FBXW10B: variants seen among roughly 807,000 people sequenced by gnomAD.
FBXW10B encodes the protein F-box and WD repeat domain containing 10B.
chr17:15,608,184 C>T, the FBXW10B span, among the ~76,000 whole-genome samples: 54 of 136,204 alleles, frequency 4.0e-4, 1 homozygote, highest in African/African-American at 1.4e-3. Context: ...TTTTTTCAGA[C>T]GGAGTCTCGC....
the FBXW10B span, among the ~76,000 whole-genome samples, chr17:15,590,136 T>C: frequency 0.16 from 22,001 of 135,402 alleles, 2,375 homozygotes; most frequent in African/African-American, 0.27. Flanking sequence ...CGCGGCTGAA[T>C]TCAGCCTCTT....
chr17:15,614,121 A>G, the FBXW10B span: 5 of 1,460,884 alleles, frequency 3.4e-6, no homozygotes, highest in East Asian at 7.1e-5. Context: ...AAGCTCTCCC[A>G]CAAAATAAAC....
chr17:15,577,771 T>C, the FBXW10B span, among the ~76,000 whole-genome samples: 1 of 152,296 alleles, frequency 6.6e-6, no homozygotes, highest in African/African-American at 2.4e-5. Context: ...GTTCTCTCTT[T>C]TGCATGGTTT....
the FBXW10B span, chr17:15,588,334 A>G: frequency 1.4e-3 from 252 of 174,122 alleles, no homozygotes; most frequent in African/African-American, 5.8e-3. Flanking sequence ...ATCACTAATT[A>G]AGTGACGTCT....
At chr17:15,588,017 C>G in the FBXW10B span, among the ~76,000 whole-genome samples, 1 of 152,172 alleles carries the variant, frequency 6.6e-6, no homozygotes, top group Admixed American at 6.5e-5. Flanking sequence ...TCCAATTTAT[C>G]TAGACTCTCA....
the FBXW10B span, among the ~76,000 whole-genome samples, chr17:15,569,455 C>CTTTTTTTTTTTTTTTTTTTTTTTT: frequency 1.0e-4 from 6 of 59,194 alleles, no homozygotes; most frequent in Non-Finnish European, 1.7e-4. Context: ...TTTTCTTTTT[C>CTTTTTTTTTTTTTTTTTTTTTTTT]TTTTTTTTTT....
chr17:15,607,660 T>G, the FBXW10B span: 1 of 1,613,690 alleles, frequency 6.2e-7, no homozygotes, highest in Non-Finnish European at 8.5e-7. Context: ...CGTTCTGGTA[T>G]GCAGTCCACA....
At chr17:15,594,506 C>A in the FBXW10B span, 2 of 527,146 alleles carry the variant, frequency 3.8e-6, no homozygotes, top group Non-Finnish European at 6.5e-6. Context: ...CTTCTCAAAA[C>A]CCCCAGTTTC....
chr17:15,614,158 T>A, the FBXW10B span: 2 of 1,225,128 alleles, frequency 1.6e-6, no homozygotes, highest in Middle Eastern at 2.7e-4. Flanking sequence ...CTTAGGCCAC[T>A]AGATTTTTGT....
the FBXW10B span, among the ~76,000 whole-genome samples, chr17:15,580,495 A>T: frequency 8.0e-6 from 1 of 124,658 alleles, no homozygotes; most frequent in Non-Finnish European, 1.8e-5. Context: ...GTAATTTGGT[A>T]TAATAAAATT....
At chr17:15,611,698 C>G in the FBXW10B span, among the ~76,000 whole-genome samples, 2 of 152,196 alleles carry the variant, frequency 1.3e-5, no homozygotes, top group African/African-American at 4.8e-5. Context: ...AAGCGACAGT[C>G]AAACCATCCC....
the FBXW10B span, among the ~76,000 whole-genome samples, chr17:15,593,142 T>G: frequency 2.0e-5 from 3 of 150,546 alleles, no homozygotes; most frequent in Admixed American, 2.0e-4. Flanking sequence ...GATTGCTTCC[T>G]GATTACTAAG....
the FBXW10B span, chr17:15,612,653 A>G: frequency 1.2e-6 from 2 of 1,612,938 alleles, no homozygotes; most frequent in South Asian, 1.1e-5. Context: ...AATGGCAATT[A>G]GAATGAGACG....
chr17:15,569,058 A>G, the FBXW10B span: 61 of 1,038,646 alleles, frequency 5.9e-5, no homozygotes, highest in Non-Finnish European at 6.5e-5. Flanking sequence ...TTTAAGACAA[A>G]ACACATATCT....
the FBXW10B span, among the ~76,000 whole-genome samples, chr17:15,595,389 G>T: frequency 6.6e-6 from 1 of 152,042 alleles, no homozygotes; most frequent in East Asian, 1.9e-4. Context: ...AAAAAAAGAA[G>T]GCCAATGGAG....
chr17:15,595,953 A>C, the FBXW10B span, among the ~76,000 whole-genome samples: 1 of 144,358 alleles, frequency 6.9e-6, no homozygotes, highest in African/African-American at 2.6e-5. Flanking sequence ...ATCTCAGCTC[A>C]CTGCAACGTC....
chr17:15,592,457 G>T, the FBXW10B span, among the ~76,000 whole-genome samples: 1 of 151,976 alleles, frequency 6.6e-6, no homozygotes, highest in African/African-American at 2.4e-5. Flanking sequence ...TCTCAAGTGA[G>T]CTTGAAGTAG....
chr17:15,565,840 T>C, the FBXW10B span: 459 of 1,613,506 alleles, frequency 2.8e-4, 2 homozygotes, highest in South Asian at 4.6e-3. Context: ...TAGCATGCGG[T>C]TTGGTTTAAT....
At chr17:15,616,013 C>T in the FBXW10B span, among the ~76,000 whole-genome samples, 1 of 151,998 alleles carries the variant, frequency 6.6e-6, no homozygotes, top group Non-Finnish European at 1.5e-5. Context: ...TCAGCACGCC[C>T]CCATTGTAAA....
Sources: gnomAD v4.1 joint callset for allele counts (sites outside exome capture counted in the v4.1 genomes callset) on GRCh38, gnomAD v4.1.1 for gene constraint, MANE v1.5 for transcripts, NCBI Gene and HGNC (gene_info 2026-07-23, HGNC 2026-07-21) for gene names.